Variants in CDK19 observed in about 807,000 individuals in gnomAD.
CDK19 encodes the protein cyclin-dependent kinase 19.
A neutral mutation model predicts 68.3 loss-of-function variants in CDK19; 20 were observed. The ratio of observed to expected loss-of-function variants is 0.29; its 90% CI spans 0.21 to 0.43. The LOEUF (loss-of-function observed/expected upper bound fraction) is 0.43. CDK19 is among the 20% of genes least tolerant of loss of function. CDK19 has a pLI of 1.00. For missense variants in CDK19, 339 were observed against 623.5 expected, an observed-to-expected ratio of 0.54 and a Z score of 4.86; for synonymous variants, 221 against 222.8, an observed-to-expected ratio of 0.99 and a Z score of 0.07.
At chr6:110,759,420 A>ATAT (rs1426687992) in intron 1 of CDK19, among the ~76,000 whole-genome samples, 66 of 116,084 alleles carry the variant, frequency 5.7e-4, no homozygotes, top group African/African-American at 2.4e-3. Flanking sequence ...AAAAAAAAAA[A>ATAT]AAAAAAAAAT....
intron 2 of CDK19, among the ~76,000 whole-genome samples, chr6:110,720,060 G>T (rs964461151): frequency 1.4e-5 from 2 of 147,150 alleles, no homozygotes; most frequent in Admixed American, 7.1e-5. Flanking sequence ...ATGGCAGTGG[G>T]TTTAACAATC....
At chr6:110,632,496 C>CGAGG (rs1427380980) in intron 5 of CDK19, among the ~76,000 whole-genome samples, 1 of 152,166 alleles carries the variant, frequency 6.6e-6, no homozygotes, top group Non-Finnish European at 1.5e-5. Context: ...TCTGGGAGGC[C>CGAGG]GAGGTGGGCG....
At chr6:110,793,548 A>C (rs1296911985) in intron 1 of CDK19, among the ~76,000 whole-genome samples, 1 of 152,240 alleles carries the variant, frequency 6.6e-6, no homozygotes, top group East Asian at 1.9e-4. Context: ...TGTACTTATC[A>C]TTAAGAATGT....
intron 2 of CDK19, among the ~76,000 whole-genome samples, chr6:110,708,452 G>C (rs1270889052): frequency 1.3e-5 from 2 of 152,186 alleles, no homozygotes; most frequent in Non-Finnish European, 1.5e-5. Context: ...TAGGAGAATA[G>C]AGATTTTACC....
chr6:110,768,401 G>C (rs776784298), intron 1 of CDK19, among the ~76,000 whole-genome samples: 2 of 152,188 alleles, frequency 1.3e-5, no homozygotes, highest in Non-Finnish European at 2.9e-5. Context: ...TTTACCCAAA[G>C]AAGATGAAAA....
At chr6:110,662,904 T>A (rs1781703879) in intron 4 of CDK19, among the ~76,000 whole-genome samples, 1 of 152,200 alleles carries the variant, frequency 6.6e-6, no homozygotes. Context: ...TCATTTTAAG[T>A]TATTTTTGGT....
intron 2 of CDK19, among the ~76,000 whole-genome samples, chr6:110,739,120 T>C (rs1777462312): frequency 1.3e-5 from 2 of 152,312 alleles, no homozygotes; most frequent in South Asian, 4.1e-4. Flanking sequence ...TCTTCCCTCC[T>C]CAATAAACTG....
At chr6:110,781,851 A>T (rs1780850033) in intron 1 of CDK19, among the ~76,000 whole-genome samples, 3 of 152,028 alleles carry the variant, frequency 2.0e-5, no homozygotes, top group Admixed American at 1.3e-4. Flanking sequence ...AAAAAAAAAA[A>T]AAAAACCTAT....
At chr6:110,757,493 C>G (rs191028908) in intron 1 of CDK19, among the ~76,000 whole-genome samples, 86 of 152,278 alleles carry the variant, frequency 5.6e-4, no homozygotes, top group African/African-American at 2.0e-3. Context: ...TAAAAGTTTA[C>G]TTGTGGGACA....
chr6:110,645,883 A>G, intron 4 of CDK19: 1 of 741,942 alleles, frequency 1.3e-6, no homozygotes, highest in South Asian at 1.5e-5. Flanking sequence ...GTAGACGAAA[A>G]CAGCGGCGAC....
At chr6:110,684,579 G>A (rs1187617518) in intron 2 of CDK19, among the ~76,000 whole-genome samples, 2 of 152,058 alleles carry the variant, frequency 1.3e-5, no homozygotes, top group Non-Finnish European at 2.9e-5. Context: ...CCATTCCACA[G>A]TTTTTCTTAA....
At chr6:110,717,061 G>C (rs1240942185) in intron 2 of CDK19, among the ~76,000 whole-genome samples, 1 of 152,198 alleles carries the variant, frequency 6.6e-6, no homozygotes, top group African/African-American at 2.4e-5. Flanking sequence ...GAACCTGGGA[G>C]GCACAGGTTG....
intron 2 of CDK19, among the ~76,000 whole-genome samples, chr6:110,679,910 C>T (rs1029689508): frequency 6.6e-6 from 1 of 152,148 alleles, no homozygotes; most frequent in Non-Finnish European, 1.5e-5. Flanking sequence ...TAAAATGGTA[C>T]CTAGCACATA....
rs958340830 is a variant in CDK19 at position 110,611,937 on chromosome 6, T to C, written c.*2598A>G. On this transcript the variant is annotated 3_prime_UTR_variant, in exon 13 of 13. Transcript: ENST00000368911. Reference sequence around the variant, plus strand: ...CAGTGCAGGGATAGGAACTCAGTCATGTGTGGAATGGAGATTTCTGGCTAT... The same window carrying C: ...CAGTGCAGGGATAGGAACTCAGTCACGTGTGGAATGGAGATTTCTGGCTAT... 1 of 152,180 alleles carries C rather than the reference T, an allele frequency of 6.6e-6. No individual in the cohort carries two copies. Among genetic ancestry groups the C allele is most frequent in the African/African-American group, 2.4e-5 (1 of 41,438 alleles). The allele number at this position is 152,180 out of a possible 1,614,324, so 9.4% of individuals were successfully genotyped here. A position where few individuals can be genotyped will look rare whatever the true frequency, so the allele number is the denominator to read the frequency against.
chr6:110,751,003 T>A (rs905297868), intron 1 of CDK19, among the ~76,000 whole-genome samples: 3 of 152,066 alleles, frequency 2.0e-5, no homozygotes, highest in African/African-American at 7.2e-5. Context: ...GCCCAGCTAA[T>A]TTTTGTATTT....
intron 2 of CDK19, among the ~76,000 whole-genome samples, chr6:110,718,251 A>C (rs778027209): frequency 4.6e-5 from 7 of 152,216 alleles, no homozygotes; most frequent in Non-Finnish European, 8.8e-5. Flanking sequence ...TATAAAGCCC[A>C]GGAGGATTTG....
chr6:110,667,284 T>A, intron 4 of CDK19, 150 bp downstream of exon 4: 1 of 533,110 alleles, frequency 1.9e-6, no homozygotes, highest in Non-Finnish European at 3.2e-6. Flanking sequence ...TATTATAGGT[T>A]TATGGGTGAT....
chr6:110,743,046 T>C (rs1777796269), intron 2 of CDK19, among the ~76,000 whole-genome samples: 1 of 152,118 alleles, frequency 6.6e-6, no homozygotes, highest in Admixed American at 6.6e-5. Flanking sequence ...AGCTGTAAAA[T>C]TCCTCTCTTT....
chr6:110,753,671 C>G (rs773418390), intron 1 of CDK19, among the ~76,000 whole-genome samples: 2 of 151,856 alleles, frequency 1.3e-5, no homozygotes, highest in Non-Finnish European at 2.9e-5. Flanking sequence ...GAGGGGTGAA[C>G]CACAATGCTT....
Sources: gnomAD v4.1 joint callset for allele counts (sites outside exome capture counted in the v4.1 genomes callset) on GRCh38, gnomAD v4.1.1 for gene constraint, MANE v1.5 for transcripts, NCBI Gene and HGNC (gene_info 2026-07-23, HGNC 2026-07-21) for gene names.